The following RASEF variants were observed in gnomAD, a reference collection of about 807,000 sequenced individuals.
RASEF encodes the protein RAS and EF-hand domain containing.
A neutral mutation model predicts 90.1 loss-of-function variants in RASEF; 68 were observed. The observed-to-expected ratio is 0.75, with a 90% CI of 0.62 to 0.92. The LOEUF is 0.92. RASEF is among the 40% of genes least tolerant of loss of function. The pLI is 0.00. For missense variants in RASEF, 949 were observed against 937.2 expected, an observed-to-expected ratio of 1.01 and a Z score of -0.16; for synonymous variants, 331 against 345.2, an observed-to-expected ratio of 0.96 and a Z score of 0.46.
chr9:83,193,340 A>G, the RASEF span, among the ~76,000 whole-genome samples: 24 of 152,336 alleles, frequency 1.6e-4, no homozygotes, highest in East Asian at 3.3e-3. Context: ...ATAACTACCT[A>G]CAGCTATGTA....
chr9:82,990,499 A>G, intron 15 of RASEF, 32 bp from the exon 16 acceptor site: 2 of 1,504,770 alleles, frequency 1.3e-6, no homozygotes, highest in Non-Finnish European at 1.8e-6. Context: ...AATTAAATGA[A>G]GCCCTTCATT....
chr9:83,165,792 A>G, the RASEF span, among the ~76,000 whole-genome samples: 3 of 152,128 alleles, frequency 2.0e-5, no homozygotes, highest in Non-Finnish European at 2.9e-5. Flanking sequence ...GACACACAAT[A>G]CTAATATCAG....
At chr9:83,177,448 G>A in the RASEF span, among the ~76,000 whole-genome samples, 1 of 151,984 alleles carries the variant, frequency 6.6e-6, no homozygotes, top group Non-Finnish European at 1.5e-5. Flanking sequence ...CTTCATTTTT[G>A]GAAGATTGTC....
the RASEF span, among the ~76,000 whole-genome samples, chr9:83,174,709 G>T: frequency 0.74 from 112,227 of 151,980 alleles, 41,713 homozygotes; most frequent in Middle Eastern, 0.85. Context: ...TGAGCATTGA[G>T]TCCACTTGCC....
chr9:82,986,954 G>GA (rs1316393088), intron 16 of RASEF, among the ~76,000 whole-genome samples: 1 of 152,164 alleles, frequency 6.6e-6, no homozygotes, highest in Non-Finnish European at 1.5e-5. Flanking sequence ...GATTTTCTAA[G>GA]AAAATGCAGA....
At chr9:83,138,567 G>A in the RASEF span, among the ~76,000 whole-genome samples, 1 of 152,140 alleles carries the variant, frequency 6.6e-6, no homozygotes, top group Admixed American at 6.6e-5. Flanking sequence ...TATTGAATGC[G>A]AAAGCATCAA....
At chr9:83,200,758 G>T in the RASEF span, among the ~76,000 whole-genome samples, 1 of 152,172 alleles carries the variant, frequency 6.6e-6, no homozygotes, top group African/African-American at 2.4e-5. Context: ...GCCTCAGTGA[G>T]CTTGCTACAT....
At chr9:83,036,582 A>T (rs775695969) in intron 1 of RASEF, among the ~76,000 whole-genome samples, 2 of 152,180 alleles carry the variant, frequency 1.3e-5, no homozygotes, top group Non-Finnish European at 2.9e-5. Flanking sequence ...CTCTTCTGGC[A>T]GCAACAACCT....
At chr9:83,181,756 G>T in the RASEF span, among the ~76,000 whole-genome samples, 3 of 152,058 alleles carry the variant, frequency 2.0e-5, no homozygotes, top group Non-Finnish European at 4.4e-5. Context: ...TATAAAATAA[G>T]ATTTCTTTGA....
At chr9:83,026,405 A>G (rs559532093) in intron 1 of RASEF, among the ~76,000 whole-genome samples, 1 of 152,296 alleles carries the variant, frequency 6.6e-6, no homozygotes, top group South Asian at 2.1e-4. Context: ...ACAGTTCCAC[A>G]TGACTGGGAG....
the RASEF span, among the ~76,000 whole-genome samples, chr9:83,134,698 A>C: frequency 6.6e-6 from 1 of 152,174 alleles, no homozygotes; most frequent in Non-Finnish European, 1.5e-5. Flanking sequence ...ACAGTCTAGC[A>C]GTTCCTCAAA....
At chr9:83,098,552 C>A in the RASEF span, among the ~76,000 whole-genome samples, 56 of 152,184 alleles carry the variant, frequency 3.7e-4, no homozygotes, top group Non-Finnish European at 7.5e-4. Context: ...TTATTAAGTG[C>A]CTAATTGCAA....
the RASEF span, among the ~76,000 whole-genome samples, chr9:83,132,019 TAATA>T: frequency 1.3e-5 from 2 of 152,192 alleles, no homozygotes; most frequent in African/African-American, 4.8e-5. Context: ...AAGATGGTAT[TAATA>T]ACAACACTAT....
At chr9:83,139,433 A>T in the RASEF span, among the ~76,000 whole-genome samples, 1 of 152,218 alleles carries the variant, frequency 6.6e-6, no homozygotes, top group Non-Finnish European at 1.5e-5. Context: ...TAACATAAAC[A>T]GTTGATTAAC....
chr9:83,101,872 C>A, the RASEF span, among the ~76,000 whole-genome samples: 3 of 152,156 alleles, frequency 2.0e-5, no homozygotes, highest in Non-Finnish European at 4.4e-5. Flanking sequence ...TGTTGATTCA[C>A]TACCACTGAA....
chr9:83,181,709 T>G, the RASEF span, among the ~76,000 whole-genome samples: 32 of 152,334 alleles, frequency 2.1e-4, no homozygotes, highest in African/African-American at 7.5e-4. Context: ...TCTTTCTATC[T>G]CACTCTTACT....
the RASEF span, among the ~76,000 whole-genome samples, chr9:83,182,588 A>G: frequency 0.7 from 106,867 of 152,054 alleles, 37,828 homozygotes; most frequent in Middle Eastern, 0.84. Context: ...AAAAGTAATT[A>G]TCTAGTAAAG....
chr9:83,005,295 C>G, intron 8 of RASEF, 121 bp downstream of exon 8: 1 of 669,124 alleles, frequency 1.5e-6, no homozygotes, highest in African/African-American at 1.8e-5. Flanking sequence ...ATGGAAAGAT[C>G]TTCTCATTAT....
At chr9:83,041,373 C>T (rs1587516666) in intron 1 of RASEF, among the ~76,000 whole-genome samples, 1 of 152,142 alleles carries the variant, frequency 6.6e-6, no homozygotes, top group African/African-American at 2.4e-5. Context: ...ACCTACCTAC[C>T]TTGCTACCCA....
Sources: gnomAD v4.1 joint callset for allele counts (sites outside exome capture counted in the v4.1 genomes callset) on GRCh38, gnomAD v4.1.1 for gene constraint, MANE v1.5 for transcripts, NCBI Gene and HGNC (gene_info 2026-07-23, HGNC 2026-07-21) for gene names.